The following NKAIN3 variants were observed in gnomAD, a reference collection of about 807,000 sequenced individuals.
NKAIN3 encodes the protein sodium/potassium-transporting ATPase subunit beta-1-interacting protein 3.
NKAIN3 carries 25 observed loss-of-function variants against 30.2 expected under a neutral mutation model. The observed-to-expected ratio is 0.83, with a 90% CI of 0.60 to 1.16. The LOEUF (loss-of-function observed/expected upper bound fraction) is 1.16, where lower values mean the gene tolerates loss of function less well. NKAIN3 is among the 50% of genes most tolerant of loss of function. NKAIN3 has a pLI of 0.00. For missense variants in NKAIN3, 225 were observed against 254.1 expected (o/e 0.89, Z 0.78); for synonymous variants, 91 against 89.6 (o/e 1.02, Z -0.09).
Position 62,964,537 on chromosome 8 carries a change from A to AGAGTGTGT in NKAIN3, c.604-816_604-815insAGTGTGTG, listed in dbSNP as rs1386858813. Among the ~76,000 whole-genome samples, 810 of 133,216 alleles carry AGAGTGTGT rather than the reference A, an allele frequency of 6.1e-3. 3 individuals are homozygous for AGAGTGTGT. Among genetic ancestry groups the AGAGTGTGT allele is most frequent in the East Asian group, 0.016 (67 of 4,282 alleles). The allele number at this position is 133,216 out of a possible 152,430, so 87.4% of individuals were successfully genotyped here. A position where few individuals can be genotyped will look rare whatever the true frequency, so the allele number is the denominator to read the frequency against. The stretch of plus-strand genomic sequence containing the variant: ...CCAGTAGAGAAAGAGAGAGAGAGAG[A>AGAGTGTGT]GTGTGTGTGTGTGTGTGTGTGTGTG... On this transcript the variant is annotated intron_variant, in intron 6 of 6. Transcript: ENST00000623646.
intron 4 of NKAIN3, chr8:62,863,940 C>A: frequency 9.9e-7 from 1 of 1,009,946 alleles, no homozygotes; most frequent in Non-Finnish European, 1.6e-6. Context: ...TGGGGTCTGC[C>A]AAAGGTGGCG....
At chr8:62,709,053 T>A (rs930661694) in intron 3 of NKAIN3, among the ~76,000 whole-genome samples, 1 of 152,220 alleles carries the variant, frequency 6.6e-6, no homozygotes, top group Non-Finnish European at 1.5e-5. Flanking sequence ...AAACCATCCC[T>A]GCATCCCTGG....
Position 62,308,525 on chromosome 8 carries a change from G to A in NKAIN3, c.54+59398G>A, listed in dbSNP as rs1238239534. 3.3e-5 allele frequency among the ~76,000 whole-genome samples: 5 copies of A among 150,694 alleles called. 1 individual carries two copies. Among genetic ancestry groups the A allele is most frequent in the Admixed American group, 3.3e-4 (5 of 15,204 alleles). ...GAAGATTATGTTACCAAAAGCAAGT[G>A]TGGATACAGGAGAAAATTTATGGGC... is the stretch of plus-strand genomic sequence containing the variant. On this transcript the variant is annotated intron_variant, in intron 1 of 6. Transcript: ENST00000623646.
chr8:62,482,970 G>T (rs903844880), intron 1 of NKAIN3: 1 of 152,098 alleles, frequency 6.6e-6, no homozygotes, highest in African/African-American at 2.4e-5. Context: ...AGGAGAATTT[G>T]AATTAACTCC....
intron 4 of NKAIN3, among the ~76,000 whole-genome samples, chr8:62,824,686 C>T (rs1818964410): frequency 6.6e-6 from 1 of 152,084 alleles, no homozygotes; most frequent in South Asian, 2.1e-4. Context: ...TTCTACTTGC[C>T]CTGATTGTCC....
At chr8:62,833,653 C>G (rs76021259) in intron 4 of NKAIN3, among the ~76,000 whole-genome samples, 2 of 151,596 alleles carry the variant, frequency 1.3e-5, no homozygotes, top group African/African-American at 2.4e-5. Context: ...CTGAACAGAC[C>G]AATATCCAAT....
chr8:62,436,352 G>A (rs1448349534), intron 1 of NKAIN3, among the ~76,000 whole-genome samples: 1 of 152,044 alleles, frequency 6.6e-6, no homozygotes, highest in Non-Finnish European at 1.5e-5. Flanking sequence ...CTGAAATCAG[G>A]GCTGAAAATT....
chr8:62,810,940 G>C (rs551885166), intron 4 of NKAIN3, among the ~76,000 whole-genome samples: 19 of 152,140 alleles, frequency 1.2e-4, no homozygotes, highest in African/African-American at 4.3e-4. Flanking sequence ...CCGAACTATA[G>C]TACAATATTA....
At chr8:62,414,274 G>A (rs1446792650) in intron 1 of NKAIN3, among the ~76,000 whole-genome samples, 1 of 152,002 alleles carries the variant, frequency 6.6e-6, no homozygotes, top group Non-Finnish European at 1.5e-5. Context: ...GTTTCAATGG[G>A]ATTTTCTGTA....
chr8:62,579,775 T>C, intron 2 of NKAIN3, 99 bp downstream of exon 2: 1 of 618,610 alleles, frequency 1.6e-6, no homozygotes, highest in Non-Finnish European at 2.4e-6. Context: ...TGATATAATG[T>C]GGCATTGCTT....
chr8:62,731,472 A>AAAC (rs1563536124), intron 3 of NKAIN3, among the ~76,000 whole-genome samples: 2 of 152,182 alleles, frequency 1.3e-5, no homozygotes, highest in African/African-American at 4.8e-5. Flanking sequence ...TTAAAATACC[A>AAAC]AACTGATATA....
intron 3 of NKAIN3, among the ~76,000 whole-genome samples, chr8:62,609,594 C>T (rs565203056): frequency 6.6e-6 from 1 of 151,936 alleles, no homozygotes; most frequent in African/African-American, 2.4e-5. Flanking sequence ...GGGAAAGAGA[C>T]ATAATATATA....
Position 62,868,252 on chromosome 8 carries a change from T to C in NKAIN3, c.472-50201T>C, listed in dbSNP as rs139348577. 1.6e-3 allele frequency among the ~76,000 whole-genome samples: 250 copies of C among 152,312 alleles called. 1 individual carries two copies. The highest frequency in any genetic ancestry group is 3.0e-3 in the Non-Finnish European group (204 of 68,030). ...CCTCTATGGTGAGGCATAAGAACTTTAATGAAAGCAAAAATCATTTCATCA... is the reference window on the plus strand; with the variant it reads ...CCTCTATGGTGAGGCATAAGAACTTCAATGAAAGCAAAAATCATTTCATCA... On this transcript the variant is annotated intron_variant, in intron 4 of 6. Transcript: ENST00000623646.
chr8:62,387,616 C>T (rs1817468636), intron 1 of NKAIN3, among the ~76,000 whole-genome samples: 1 of 152,150 alleles, frequency 6.6e-6, no homozygotes, highest in Admixed American at 6.5e-5. Context: ...GGATCCTACT[C>T]CCAATTTGGA....
intron 3 of NKAIN3, among the ~76,000 whole-genome samples, chr8:62,723,848 T>C (rs367631365): frequency 2.6e-4 from 39 of 152,256 alleles, no homozygotes; most frequent in African/African-American, 8.2e-4. Flanking sequence ...GGATAATGAA[T>C]GACCAACTAA....
At chr8:62,833,717 T>C (rs952419949) in intron 4 of NKAIN3, among the ~76,000 whole-genome samples, 4 of 150,618 alleles carry the variant, frequency 2.7e-5, no homozygotes, top group African/African-American at 9.7e-5. Flanking sequence ...AAGCCCCACA[T>C]GGATTCACAG....
At chr8:62,813,569 T>C (rs1428705232) in intron 4 of NKAIN3, among the ~76,000 whole-genome samples, 3 of 151,694 alleles carry the variant, frequency 2.0e-5, no homozygotes, top group Non-Finnish European at 4.4e-5. Context: ...TCCATTTACA[T>C]CCACAGTTGT....
intron 4 of NKAIN3, among the ~76,000 whole-genome samples, chr8:62,862,556 T>C (rs1287396244): frequency 1.3e-5 from 2 of 152,180 alleles, no homozygotes; most frequent in Non-Finnish European, 2.9e-5. Flanking sequence ...TTTATTATAA[T>C]ACCTGAGTTT....
intron 4 of NKAIN3, among the ~76,000 whole-genome samples, chr8:62,898,236 T>A (rs1821495841): frequency 6.9e-6 from 1 of 145,198 alleles, no homozygotes; most frequent in South Asian, 2.3e-4. Flanking sequence ...AGGAAAAAAA[T>A]CATTATATCA....
Sources: allele counts gnomAD v4.1 joint callset (sites outside exome capture counted in the v4.1 genomes callset), GRCh38; gene constraint gnomAD v4.1.1; transcripts MANE v1.5; gene names NCBI Gene and HGNC (gene_info 2026-07-23, HGNC 2026-07-21).